TRAPPC9: variants seen among roughly 807,000 people sequenced by gnomAD.
The protein encoded by TRAPPC9 is IKK2 binding protein.
A neutral mutation model predicts 124.0 loss-of-function variants in TRAPPC9; 83 were observed. The ratio of observed to expected loss-of-function variants is 0.67; its 90% confidence interval spans 0.56 to 0.80. The LOEUF (loss-of-function observed/expected upper bound fraction) is 0.80. Among genes scored for constraint, TRAPPC9 ranks in the 30% least tolerant of loss-of-function variants. The probability of loss-of-function intolerance (pLI) is 0.00; values close to 1 mark genes in which losing one functional copy is unlikely to be tolerated. For missense variants in TRAPPC9, 1,302 were observed against 1,508.3 expected (o/e 0.86, Z 2.27); for synonymous variants, 638 against 617.5 (o/e 1.03, Z -0.49).
intron 17 of TRAPPC9, among the ~76,000 whole-genome samples, chr8:140,140,096 G>A (rs1281189284): frequency 6.6e-6 from 1 of 152,128 alleles, no homozygotes; most frequent in Non-Finnish European, 1.5e-5. Flanking sequence ...GTCCCACGAG[G>A]GCAAGTGCAG....
intron 19 of TRAPPC9, among the ~76,000 whole-genome samples, chr8:139,957,330 G>A (rs554078771): frequency 3.3e-5 from 5 of 152,302 alleles, no homozygotes; most frequent in South Asian, 2.1e-4. Flanking sequence ...TAGGGTGGGC[G>A]GCACCTATCG....
At chr8:140,035,835 C>T (rs1036393748) in intron 17 of TRAPPC9, among the ~76,000 whole-genome samples, 1 of 152,238 alleles carries the variant, frequency 6.6e-6, no homozygotes. Context: ...CAACACCAGG[C>T]AAGGCGGTAA....
intron 4 of TRAPPC9, among the ~76,000 whole-genome samples, chr8:140,432,026 C>A (rs2070664031): frequency 6.6e-6 from 1 of 152,094 alleles, no homozygotes; most frequent in South Asian, 2.1e-4. Context: ...TTCCAGGTAT[C>A]CAAATATAAT....
At chr8:139,792,203 G>C (rs977642372) in intron 21 of TRAPPC9, among the ~76,000 whole-genome samples, 1 of 152,178 alleles carries the variant, frequency 6.6e-6, no homozygotes, top group Non-Finnish European at 1.5e-5. Flanking sequence ...CAGACAGCAG[G>C]TTTAGTCTCC....
chr8:140,075,070 C>A (rs1327009386), intron 17 of TRAPPC9, among the ~76,000 whole-genome samples: 1 of 152,036 alleles, frequency 6.6e-6, no homozygotes, highest in African/African-American at 2.4e-5. Context: ...CTCTCCTCTG[C>A]AATAAAAGGA....
chr8:139,859,063 C>T (rs1827975203), intron 21 of TRAPPC9, among the ~76,000 whole-genome samples: 1 of 151,548 alleles, frequency 6.6e-6, no homozygotes, highest in Non-Finnish European at 1.5e-5. Flanking sequence ...ACTCCCTGTC[C>T]TCTATGCTCT....
intron 17 of TRAPPC9, among the ~76,000 whole-genome samples, chr8:140,155,276 G>T (rs963916337): frequency 4.6e-5 from 7 of 152,204 alleles, no homozygotes; most frequent in Non-Finnish European, 7.3e-5. Context: ...TCAGGATTAG[G>T]AGCTGCTAAG....
intron 21 of TRAPPC9, among the ~76,000 whole-genome samples, chr8:139,831,846 C>T (rs1419397945): frequency 6.6e-6 from 1 of 152,354 alleles, no homozygotes; most frequent in African/African-American, 2.4e-5. Context: ...GTAGGGAGAG[C>T]GGAAGGCTGC....
At chr8:139,766,492 C>A (rs1820592812) in intron 21 of TRAPPC9, among the ~76,000 whole-genome samples, 1 of 152,232 alleles carries the variant, frequency 6.6e-6, no homozygotes, top group African/African-American at 2.4e-5. Flanking sequence ...ACTGATTCCC[C>A]AAATGCAAGT....
intron 17 of TRAPPC9, among the ~76,000 whole-genome samples, chr8:140,169,923 A>G (rs1317701111): frequency 2.0e-5 from 3 of 152,092 alleles, no homozygotes; most frequent in Non-Finnish European, 4.4e-5. Context: ...TTTTCTGTAG[A>G]GACGGGGTTT....
At chr8:139,740,393 A>G (rs1818473148) in intron 21 of TRAPPC9, among the ~76,000 whole-genome samples, 1 of 152,228 alleles carries the variant, frequency 6.6e-6, no homozygotes, top group South Asian at 2.1e-4. Context: ...CAGAGAAAGG[A>G]AGCCATTGGC....
intron 21 of TRAPPC9, among the ~76,000 whole-genome samples, chr8:139,773,366 G>A (rs75725114): frequency 0.016 from 2,456 of 152,336 alleles, 49 homozygotes; most frequent in South Asian, 0.11. Context: ...AGAGGCCCCG[G>A]CTACATTCCT....
chr8:139,767,826 A>T (rs986097809), intron 21 of TRAPPC9, among the ~76,000 whole-genome samples: 1 of 152,246 alleles, frequency 6.6e-6, no homozygotes, highest in African/African-American at 2.4e-5. Flanking sequence ...ACTGGCATAG[A>T]TTTTTAAGGA....
At chr8:139,760,831 A>G (rs996512952) in intron 21 of TRAPPC9, among the ~76,000 whole-genome samples, 1 of 152,198 alleles carries the variant, frequency 6.6e-6, no homozygotes, top group Admixed American at 6.5e-5. Flanking sequence ...ACAGCACGGG[A>G]AAGACCTTAC....
chr8:140,072,984 C>T (rs1310591969), intron 17 of TRAPPC9, among the ~76,000 whole-genome samples: 1 of 152,188 alleles, frequency 6.6e-6, no homozygotes, highest in African/African-American at 2.4e-5. Context: ...ATTAGGGAAC[C>T]ATAAATTATA....
chr8:140,331,719 T>G (rs990477675), intron 9 of TRAPPC9, among the ~76,000 whole-genome samples: 2 of 152,080 alleles, frequency 1.3e-5, no homozygotes, highest in African/African-American at 4.8e-5. Context: ...CTAACAGGTA[T>G]ATGAAACAAT....
At chr8:140,282,041 AG>A in intron 14 of TRAPPC9, among the ~76,000 whole-genome samples, 1 of 152,250 alleles carries the variant, frequency 6.6e-6, no homozygotes, top group Non-Finnish European at 1.5e-5. Flanking sequence ...GACAGAGACC[AG>A]GACTGTCATG....
At chr8:140,272,918 G>A (rs962034886) in intron 15 of TRAPPC9, among the ~76,000 whole-genome samples, 1 of 151,206 alleles carries the variant, frequency 6.6e-6, no homozygotes, top group Non-Finnish European at 1.5e-5. Flanking sequence ...GAGAGGTGGA[G>A]AGGACACACA....
intron 11 of TRAPPC9, among the ~76,000 whole-genome samples, chr8:140,292,518 T>C (rs2065689094): frequency 6.6e-6 from 1 of 152,198 alleles, no homozygotes; most frequent in Admixed American, 6.5e-5. Flanking sequence ...GTTCTCAAGA[T>C]ACAGCTTTTC....
Sources: gnomAD v4.1 joint callset for allele counts (sites outside exome capture counted in the v4.1 genomes callset) on GRCh38, gnomAD v4.1.1 for gene constraint, MANE v1.5 for transcripts, NCBI Gene and HGNC (gene_info 2026-07-23, HGNC 2026-07-21) for gene names.